The following ERC2 variants were observed in gnomAD, a reference collection of about 807,000 sequenced individuals.
ERC2 encodes the protein ELKS/RAB6-interacting/CAST family member 2, also known as ERC protein 2.
In ERC2, 42 loss-of-function variants were observed where a neutral mutation model predicts 114.8. The observed-to-expected ratio is 0.37, with a 90% CI of 0.29 to 0.47. The LOEUF is 0.47. Ranked by LOEUF, ERC2 falls within the 20% of genes least tolerant of loss-of-function variation. The pLI is 0.99. For missense variants in ERC2, 939 were observed against 1,150.7 expected (o/e 0.82, Z 2.66); for synonymous variants, 454 against 425.5 (o/e 1.07, Z -0.82).
chr3:56,401,146 G>C (rs1341442751), intron 2 of ERC2, among the ~76,000 whole-genome samples: 2 of 152,150 alleles, frequency 1.3e-5, no homozygotes, highest in African/African-American at 2.4e-5. Context: ...TTTCAATTAG[G>C]CCAGTGCTAC....
At chr3:55,808,932 T>C (rs1249558995) in intron 14 of ERC2, among the ~76,000 whole-genome samples, 6 of 151,384 alleles carry the variant, frequency 4.0e-5, no homozygotes, top group Admixed American at 4.0e-4. Context: ...CTCCAGAATA[T>C]TGATTTATTT....
At chr3:56,311,987 A>G (rs1447445573) in intron 2 of ERC2, among the ~76,000 whole-genome samples, 2 of 152,200 alleles carry the variant, frequency 1.3e-5, no homozygotes, top group Non-Finnish European at 2.9e-5. Flanking sequence ...AAAATATAGC[A>G]TAAGAACTAT....
At chr3:56,264,466 G>A (rs532250551) in intron 3 of ERC2, among the ~76,000 whole-genome samples, 12 of 152,052 alleles carry the variant, frequency 7.9e-5, no homozygotes, top group East Asian at 1.9e-4. Context: ...GAATGGTGGC[G>A]TGCACCTGTA....
At chr3:55,530,813 T>C (rs1192089789) in intron 17 of ERC2, among the ~76,000 whole-genome samples, 2 of 152,096 alleles carry the variant, frequency 1.3e-5, no homozygotes, top group Non-Finnish European at 2.9e-5. Flanking sequence ...GTGTTAAGTG[T>C]TACGAAGCCT....
intron 6 of ERC2, among the ~76,000 whole-genome samples, chr3:56,092,932 A>C (rs926849841): frequency 1.3e-5 from 2 of 152,138 alleles, no homozygotes; most frequent in African/African-American, 4.8e-5. Flanking sequence ...AATTTTCTAA[A>C]CTATCACTGA....
intron 14 of ERC2, among the ~76,000 whole-genome samples, chr3:55,781,838 C>T (rs112469068): frequency 2.5e-4 from 38 of 150,240 alleles, no homozygotes; most frequent in African/African-American, 9.1e-4. Flanking sequence ...CCCTACTACA[C>T]TCCCGCCGGG....
At chr3:56,227,869 A>G (rs555426916) in intron 3 of ERC2, among the ~76,000 whole-genome samples, 3 of 152,370 alleles carry the variant, frequency 2.0e-5, no homozygotes, top group African/African-American at 7.2e-5. Flanking sequence ...AGCAGGAAAC[A>G]ACTACATCAT....
chr3:55,798,442 C>A (rs2070693479), intron 14 of ERC2, among the ~76,000 whole-genome samples: 2 of 151,766 alleles, frequency 1.3e-5, no homozygotes, highest in South Asian at 4.2e-4. Flanking sequence ...ACTAAAAATA[C>A]AAAAAATTAG....
chr3:56,031,433 C>G (rs1412251772), intron 7 of ERC2, among the ~76,000 whole-genome samples: 1 of 152,370 alleles, frequency 6.6e-6, no homozygotes, highest in East Asian at 1.9e-4. Flanking sequence ...AGGACTCTAG[C>G]AGCAAACCTG....
intron 2 of ERC2, among the ~76,000 whole-genome samples, chr3:56,346,343 T>C (rs2058306009): frequency 6.6e-6 from 1 of 152,182 alleles, no homozygotes; most frequent in African/African-American, 2.4e-5. Flanking sequence ...TTAATGTGAT[T>C]ATTAAAATAA....
intron 3 of ERC2, among the ~76,000 whole-genome samples, chr3:56,291,915 A>G (rs1054692885): frequency 2.0e-5 from 3 of 152,192 alleles, no homozygotes; most frequent in African/African-American, 7.2e-5. Context: ...TTATAAAATA[A>G]CTAATGAAGG....
intron 2 of ERC2, among the ~76,000 whole-genome samples, chr3:56,425,623 A>G (rs1449906756): frequency 7.8e-6 from 1 of 127,808 alleles, no homozygotes; most frequent in African/African-American, 3.0e-5. Flanking sequence ...ACTACTTTGG[A>G]GTCTTGCCCA....
chr3:56,414,724 C>CA (rs10706985), intron 2 of ERC2, among the ~76,000 whole-genome samples: 7,127 of 104,688 alleles, frequency 0.068, 490 homozygotes, highest in East Asian at 0.35. Flanking sequence ...GACTCTGTCT[C>CA]AAAAAAAAAA....
chr3:55,635,137 C>G (rs1369454054), intron 17 of ERC2, among the ~76,000 whole-genome samples: 1 of 152,098 alleles, frequency 6.6e-6, no homozygotes, highest in Non-Finnish European at 1.5e-5. Flanking sequence ...CCTGCCTCAG[C>G]CTACCAAAGT....
At chr3:55,658,459 G>A (rs1297962565) in intron 17 of ERC2, 1 of 152,242 alleles carries the variant, frequency 6.6e-6, no homozygotes, top group African/African-American at 2.4e-5. Context: ...TAGGGAAAGT[G>A]AACTCTGATT....
At chr3:56,154,444 T>C (rs964932803) in intron 4 of ERC2, among the ~76,000 whole-genome samples, 1 of 152,124 alleles carries the variant, frequency 6.6e-6, no homozygotes, top group South Asian at 2.1e-4. Context: ...TTCCTGGTCT[T>C]ATTTGCCTGC....
At position 56,132,257 on chromosome 3, in the gene ERC2, G is replaced by A. The variant is rs75680423; in HGVS notation, c.1473+7252C>T. On this transcript the variant is annotated intron_variant, in intron 6 of 17. Transcript: ENST00000288221. ...TGGGGGACAGAGGGCCCATCTCAAG[G>A]CAAATAAACTGAGAAGCAAGGCCAT... 3.6e-3 allele frequency among the ~76,000 whole-genome samples: 545 copies of A among 152,174 alleles called. 5 individuals carry two copies. The highest frequency in any genetic ancestry group is 0.012 in the African/African-American group (507 of 41,504).
chr3:55,790,531 A>G, intron 14 of ERC2, among the ~76,000 whole-genome samples: 1 of 152,160 alleles, frequency 6.6e-6, no homozygotes, highest in East Asian at 1.9e-4. Flanking sequence ...CCCTGCACAT[A>G]CAGGCCAGGA....
chr3:55,805,644 T>G (rs1431153469), intron 14 of ERC2, among the ~76,000 whole-genome samples: 1 of 147,494 alleles, frequency 6.8e-6, no homozygotes, highest in Non-Finnish European at 1.5e-5. Flanking sequence ...TGCTACCAGA[T>G]GTGCTCTGAA....
Sources: allele counts gnomAD v4.1 joint callset (sites outside exome capture counted in the v4.1 genomes callset), GRCh38; gene constraint gnomAD v4.1.1; transcripts MANE v1.5; gene names NCBI Gene and HGNC (gene_info 2026-07-23, HGNC 2026-07-21).